The following PIEZO1 variants were observed in gnomAD, a reference collection of about 807,000 sequenced individuals.
The protein encoded by PIEZO1 is piezo type mechanosensitive ion channel component 1 (Er blood group).
Under a neutral mutation model 297.2 loss-of-function variants are expected in PIEZO1, and 296 were observed. The observed-to-expected ratio is 1.00, with a 90% CI of 0.91 to 1.10. The LOEUF (loss-of-function observed/expected upper bound fraction) is 1.10, where lower values mean the gene tolerates loss of function less well. Among genes scored for constraint, PIEZO1 ranks in the 50% least tolerant of loss-of-function variants. The probability of loss-of-function intolerance (pLI) is 0.00; values close to 1 mark genes in which losing one functional copy is unlikely to be tolerated. For synonymous variants in PIEZO1, 2,427 were observed against 1,507.5 expected (o/e 1.61, Z -14.13); for missense variants, 5,018 against 3,455.5 (o/e 1.45, Z -11.34).
chr16:88,743,393 C>G (rs937536119), intron 2 of PIEZO1: 5 of 447,474 alleles, frequency 1.1e-5, no homozygotes, highest in African/African-American at 8.0e-5. Flanking sequence ...GGGCCCTCAC[C>G]CTGGGGCAGC....
intron 44 of PIEZO1, chr16:88,717,624 G>A (rs903038721): frequency 6.5e-6 from 3 of 460,390 alleles, no homozygotes; most frequent in African/African-American, 2.0e-5. Context: ...ACCTGGATTT[G>A]GCGAAGGAAA....
chr16:88,768,061 G>A (rs1448025023), intron 1 of PIEZO1, among the ~76,000 whole-genome samples: 1 of 152,232 alleles, frequency 6.6e-6, no homozygotes, highest in Non-Finnish European at 1.5e-5. Flanking sequence ...TCTGCAAAGT[G>A]GGACCCACGA....
chr16:88,769,865 T>C (rs574052989), intron 1 of PIEZO1, among the ~76,000 whole-genome samples: 1 of 152,140 alleles, frequency 6.6e-6, no homozygotes, highest in Admixed American at 6.5e-5. Context: ...CTGCGCAGGT[T>C]AGAGGGAACA....
chr16:88,771,385 G>A lies in PIEZO1; in HGVS notation c.64+13516C>T, dbSNP rs568067187. ...GACTACATACAGCTAGGAGTGCGGCGACAACAAGAAACCAGGCCAGGCGGG... is the reference window on the plus strand; with the variant it reads ...GACTACATACAGCTAGGAGTGCGGCAACAACAAGAAACCAGGCCAGGCGGG... On this transcript the variant is annotated intron_variant, in intron 1 of 50. Coordinates refer to ENST00000301015, the MANE Select transcript of PIEZO1 (RefSeq NM_001142864.4). Among the ~76,000 whole-genome samples, 9 of 152,222 alleles carry A rather than the reference G, an allele frequency of 5.9e-5. No individual in the cohort carries two copies. In the South Asian group the frequency reaches 1.2e-3, roughly 21 times the overall value.
chr16:88,776,143 A>T (rs1007132694), intron 1 of PIEZO1, among the ~76,000 whole-genome samples: 11 of 152,212 alleles, frequency 7.2e-5, no homozygotes, highest in African/African-American at 2.7e-4. Context: ...GCACAGAAGG[A>T]ACCAAATGAG....
intron 12 of PIEZO1, 27 bp downstream of exon 12, chr16:88,736,120 AC>A: frequency 2.0e-6 from 3 of 1,522,888 alleles, no homozygotes; most frequent in South Asian, 1.2e-5. Context: ...GCACCCAGGC[AC>A]CCCCGGATGT....
In PIEZO1 at chr16:88,716,407, G is replaced by A. The variant is rs1213237567; in HGVS notation, c.7003C>T (p.Arg2335Trp). 14 of 1,549,122 alleles carry A rather than the reference G, an allele frequency of 9.0e-6. No individual in the cohort carries two copies. Among genetic ancestry groups the A allele is most frequent in the Admixed American group, 2.0e-5 (1 of 50,858 alleles). ...TCGAGCAGGCTGGCCAGCTGCCGCC[G>A]TGCAGTGCTGTTGGGGGCCAGGGCC... The part of the protein sequence containing the change: ...MLALAPNSTA[R>W]RQLASLLEGT... Residue 2335 changes from arginine to tryptophan, a missense_variant, in exon 48 of 51, where the codon CGG becomes TGG. Transcript: ENST00000301015.
At chr16:88,736,963 G>C (rs1905262970) in intron 10 of PIEZO1, 2 of 444,206 alleles carry the variant, frequency 4.5e-6, no homozygotes, top group Non-Finnish European at 4.0e-6. Flanking sequence ...CACTTTCCTT[G>C]AAAGGGTGGG....
chr16:88,782,005 C>T (rs893157771), intron 1 of PIEZO1, among the ~76,000 whole-genome samples: 46 of 152,378 alleles, frequency 3.0e-4, no homozygotes, highest in African/African-American at 1.0e-3. Context: ...GTCAGTGACA[C>T]GGTGGCTCCT....
intron 1 of PIEZO1, among the ~76,000 whole-genome samples, chr16:88,775,415 T>G (rs978088965): frequency 6.6e-6 from 1 of 152,146 alleles, no homozygotes; most frequent in Non-Finnish European, 1.5e-5. Flanking sequence ...TTCATCTGAA[T>G]GAAATGCCTG....
At chr16:88,779,058 G>T (rs1334261134) in intron 1 of PIEZO1, among the ~76,000 whole-genome samples, 4 of 145,134 alleles carry the variant, frequency 2.8e-5, no homozygotes, top group Non-Finnish European at 4.5e-5. Flanking sequence ...TTTTTTGAGA[G>T]GGAGTCTTGC....
At chr16:88,750,798 A>G (rs1441363916) in intron 1 of PIEZO1, among the ~76,000 whole-genome samples, 1 of 152,174 alleles carries the variant, frequency 6.6e-6, no homozygotes, top group Non-Finnish European at 1.5e-5. Context: ...TGGGACTGGA[A>G]AGGCGCCTCA....
chr16:88,734,110 T>C (rs1905054452), intron 16 of PIEZO1, 56 bp from the exon 17 acceptor site: 1 of 1,467,430 alleles, frequency 6.8e-7, no homozygotes, highest in Non-Finnish European at 9.1e-7. Context: ...CCTCATTTCC[T>C]GGGGCTGGAA....
chr16:88,750,819 G>C lies in PIEZO1; in HGVS notation c.65-1340C>G, dbSNP rs184896766. Reference sequence around the variant, plus strand: ...TGGAAAGGCGCCTCATGCTGCCTAAGGGGCGCCAGCAGCCCATCCTCCAGC... The same window carrying C: ...TGGAAAGGCGCCTCATGCTGCCTAACGGGCGCCAGCAGCCCATCCTCCAGC... On this transcript the variant is annotated intron_variant, in intron 1 of 50. Transcript: ENST00000301015. Among the ~76,000 whole-genome samples the C allele has an allele frequency of 3.4e-3, 519 of 152,276 alleles. 4 individuals are homozygous for C. Among genetic ancestry groups the C allele is most frequent in the African/African-American group, 0.011 (469 of 41,560 alleles).
intron 22 of PIEZO1, chr16:88,731,454 A>G: frequency 1.1e-5 from 6 of 526,702 alleles, no homozygotes; most frequent in Non-Finnish European, 1.7e-5. Context: ...TGAAGGTTTG[A>G]AATATTTCAA....
rs1905775425 is a variant in PIEZO1, at chr16:88,742,814, C to A, written c.161-392G>T. The A allele has an allele frequency of 3.5e-5, 12 of 341,918 alleles. No individual in the cohort carries two copies. The Admixed American group carries it at 4.8e-4, about 14-fold the overall frequency. 21.2% of individuals were successfully genotyped at this position (341,918 alleles called of 1,614,324 possible). A position where few individuals can be genotyped will look rare whatever the true frequency, so the allele number is the denominator to read the frequency against. On this transcript the variant is annotated intron_variant, in intron 2 of 50. Transcript: ENST00000301015. ...AAGCTCCACCTCACCCCAGTGGGGGCTGCAGGTGGATGGAGACCAGAGCAT... is the reference window on the plus strand; with the variant it reads ...AAGCTCCACCTCACCCCAGTGGGGGATGCAGGTGGATGGAGACCAGAGCAT...
rs757724495 is a variant in PIEZO1, at chr16:88,742,080, G to T, written c.299C>A (p.Thr100Asn). The change falls in exon 4 of 51, where the codon ACC becomes AAC. Residue 100 changes from threonine (T) to asparagine (N), a missense_variant. Transcript: ENST00000301015. ...LLGPSCSRWE[T>N]LSRHIGVTRL... The stretch of plus-strand genomic sequence containing the variant: ...TGTGACCCCTATGTGTCGCGAGAGG[G>T]TCTCCCAGCGGCTGCCTGCAGAGAA... 5.9e-6 allele frequency: 9 copies of T among 1,536,052 alleles called. No individual in the cohort carries two copies. The South Asian group carries it at 9.5e-5, about 16-fold the overall frequency.
rs1905000689 is a variant in PIEZO1, at chr16:88,733,387, G to A, written c.2555C>T (p.Pro852Leu). ...AFALPYPRFR[P>L]MASCLSTVWT... is the part of the protein sequence containing the mutation. ...CACGGTGGACAGGCAGGAGGCCATGGGCCGGAAGCGTGGGTAGGGCAGGGC... is the reference window on the plus strand; with the variant it reads ...CACGGTGGACAGGCAGGAGGCCATGAGCCGGAAGCGTGGGTAGGGCAGGGC... The change falls in exon 19 of 51, where the codon CCC becomes CTC. Residue 852 changes from proline (P) to leucine (L), a missense_variant. Transcript: ENST00000301015. The A allele has an allele frequency of 1.9e-6, 3 of 1,550,174 alleles. No individual in the cohort carries two copies. The highest frequency in any genetic ancestry group is 2.6e-6 in the Non-Finnish European group (3 of 1,146,844).
chr16:88,722,577 A>G lies in PIEZO1; in HGVS notation c.4775+6T>C, dbSNP rs1904287874. ...CAGCTGGGGCTCGGGTCACCCCCGCACCTACCTGGACACGGTGCTTGGGGC... is the reference window on the plus strand; with the variant it reads ...CAGCTGGGGCTCGGGTCACCCCCGCGCCTACCTGGACACGGTGCTTGGGGC... On this transcript the variant is annotated splice_donor_region_variant and intron_variant, in intron 35 of 50. Transcript: ENST00000301015. The G allele has an allele frequency of 4.6e-6, 7 of 1,521,610 alleles. No individual in the cohort carries two copies. The highest frequency in any genetic ancestry group is 6.2e-6 in the Non-Finnish European group (7 of 1,134,692). 94.3% of individuals were successfully genotyped at this position (1,521,610 alleles called of 1,614,324 possible).
Sources: allele counts gnomAD v4.1 joint callset (sites outside exome capture counted in the v4.1 genomes callset), GRCh38; gene constraint gnomAD v4.1.1; transcripts MANE v1.5; gene names NCBI Gene and HGNC (gene_info 2026-07-23, HGNC 2026-07-21).